The following CADPS2 variants were observed in gnomAD, a reference collection of about 807,000 sequenced individuals.
The protein encoded by CADPS2 is calcium dependent secretion activator 2.
A neutral mutation model predicts 172.5 loss-of-function variants in CADPS2; 93 were observed. The observed-to-expected ratio is 0.54, with a 90% CI of 0.46 to 0.64. The LOEUF (loss-of-function observed/expected upper bound fraction) is 0.64, where lower values mean the gene tolerates loss of function less well. Among genes scored for constraint, CADPS2 ranks in the 30% least tolerant of loss-of-function variants. The pLI is 0.00. For missense variants in CADPS2, 1,420 were observed against 1,565.9 expected (o/e 0.91, Z 1.57); for synonymous variants, 546 against 555.2 (o/e 0.98, Z 0.23).
At chr7:122,425,057 G>A (rs2048979550) in intron 17 of CADPS2, among the ~76,000 whole-genome samples, 1 of 151,982 alleles carries the variant, frequency 6.6e-6, no homozygotes, top group Non-Finnish European at 1.5e-5. Flanking sequence ...ATGTCTCACT[G>A]CAGCCTCGAA....
chr7:122,329,027 A>C (rs1253409798), intron 28 of CADPS2, among the ~76,000 whole-genome samples: 1 of 152,148 alleles, frequency 6.6e-6, no homozygotes, highest in Non-Finnish European at 1.5e-5. Context: ...AAATATTGAG[A>C]AGCGCAGCAC....
At chr7:122,539,200 A>G (rs74405430) in intron 8 of CADPS2, among the ~76,000 whole-genome samples, 2,392 of 152,152 alleles carry the variant, frequency 0.016, 66 homozygotes, top group African/African-American at 0.054. Context: ...TAAGATCACA[A>G]AGGACTCTGC....
At chr7:122,850,209 C>T (rs1368984123) in intron 1 of CADPS2, 1 of 1,105,176 alleles carries the variant, frequency 9.0e-7, no homozygotes, top group Non-Finnish European at 1.2e-6. Context: ...GAGGCTATAA[C>T]TCGCCAAGTG....
At chr7:122,402,280 A>T (rs1445313477) in intron 20 of CADPS2, among the ~76,000 whole-genome samples, 5 of 152,174 alleles carry the variant, frequency 3.3e-5, no homozygotes, top group Non-Finnish European at 7.3e-5. Context: ...GTCTTCCTTA[A>T]AAAGATGATA....
intron 7 of CADPS2, among the ~76,000 whole-genome samples, chr7:122,564,772 A>G (rs2066189044): frequency 6.6e-6 from 1 of 152,078 alleles, no homozygotes. Context: ...CAAAATGTCT[A>G]TCAACAGATA....
At chr7:122,457,529 A>G (rs2053934634) in intron 14 of CADPS2, among the ~76,000 whole-genome samples, 2 of 152,200 alleles carry the variant, frequency 1.3e-5, no homozygotes, top group Admixed American at 1.3e-4. Context: ...AATGCAAATT[A>G]CGCAACCCTT....
chr7:122,377,769 C>T (rs1040949676), intron 25 of CADPS2, among the ~76,000 whole-genome samples: 4 of 151,982 alleles, frequency 2.6e-5, no homozygotes, highest in African/African-American at 9.7e-5. Flanking sequence ...TATCTATCCA[C>T]TTGTTGGTGA....
intron 1 of CADPS2, among the ~76,000 whole-genome samples, chr7:122,833,150 A>T (rs1352964843): frequency 6.6e-6 from 1 of 152,140 alleles, no homozygotes; most frequent in Non-Finnish European, 1.5e-5. Context: ...CCTAATTTTG[A>T]TCACATGAGA....
intron 17 of CADPS2, among the ~76,000 whole-genome samples, chr7:122,417,499 T>C (rs987323014): frequency 6.6e-6 from 1 of 152,164 alleles, no homozygotes; most frequent in African/African-American, 2.4e-5. Flanking sequence ...ACACTTCCAA[T>C]CTCAACTCAG....
chr7:122,681,430 T>C, intron 2 of CADPS2: 1 of 1,540,766 alleles, frequency 6.5e-7, no homozygotes, highest in Non-Finnish European at 8.9e-7. Flanking sequence ...ATTAAGAAAT[T>C]CGTCATTCGA....
chr7:122,400,804 ATGAAC>A (rs994985354), intron 20 of CADPS2, among the ~76,000 whole-genome samples: 2 of 152,230 alleles, frequency 1.3e-5, no homozygotes, highest in African/African-American at 4.8e-5. Context: ...TGAATTTCAG[ATGAAC>A]AGCTCATTTA....
At chr7:122,625,306 T>A (rs541285832) in intron 4 of CADPS2, among the ~76,000 whole-genome samples, 1 of 152,254 alleles carries the variant, frequency 6.6e-6, no homozygotes, top group Admixed American at 6.5e-5. Flanking sequence ...CGCCTCAGCC[T>A]CCCAAACTGC....
chr7:122,769,781 T>C (rs369739482), intron 1 of CADPS2, among the ~76,000 whole-genome samples: 35 of 152,296 alleles, frequency 2.3e-4, no homozygotes, highest in African/African-American at 7.7e-4. Flanking sequence ...AACCTACCAA[T>C]TGTTGACTGT....
chr7:122,837,445 C>T (rs951138871), intron 1 of CADPS2, among the ~76,000 whole-genome samples: 18 of 151,802 alleles, frequency 1.2e-4, no homozygotes, highest in East Asian at 5.8e-4. Flanking sequence ...CAACTGAAGG[C>T]GACAGAGACA....
At chr7:122,635,813 G>A (rs558794828) in intron 3 of CADPS2, among the ~76,000 whole-genome samples, 4 of 152,178 alleles carry the variant, frequency 2.6e-5, no homozygotes, top group Non-Finnish European at 4.4e-5. Flanking sequence ...ATTTAGGATA[G>A]TTAAGTCTTC....
At chr7:122,440,672 T>C (rs551175961) in intron 16 of CADPS2, among the ~76,000 whole-genome samples, 64 of 152,258 alleles carry the variant, frequency 4.2e-4, no homozygotes, top group African/African-American at 1.4e-3. Context: ...GAGATGCTAA[T>C]AAACAATATA....
At position 122,663,227 on chromosome 7, in the gene CADPS2, G is replaced by A; in HGVS notation, c.786+10C>T. 1 of 1,581,548 alleles carries A rather than the reference G, an allele frequency of 6.3e-7. No homozygotes were observed. Among genetic ancestry groups the A allele is most frequent in the South Asian group, 1.1e-5 (1 of 89,100 alleles). On this transcript the variant is annotated intron_variant, in intron 3 of 29. Transcript: ENST00000449022. The stretch of plus-strand genomic sequence containing the variant: ...AGACAGGGGAAGGGAAAATATCAGA[G>A]ACCACTTACCTGACATGCATTATAA...
intron 17 of CADPS2, among the ~76,000 whole-genome samples, chr7:122,422,282 G>A (rs1387237006): frequency 6.6e-6 from 1 of 152,146 alleles, no homozygotes; most frequent in Non-Finnish European, 1.5e-5. Context: ...TACCTTGAGA[G>A]CCTGTAAAGA....
intron 20 of CADPS2, among the ~76,000 whole-genome samples, chr7:122,399,493 T>A (rs988968431): frequency 6.6e-6 from 1 of 152,038 alleles, no homozygotes; most frequent in Non-Finnish European, 1.5e-5. Flanking sequence ...TGCTGTTTTT[T>A]AAATGAAATT....
Sources: gnomAD v4.1 joint callset for allele counts (sites outside exome capture counted in the v4.1 genomes callset) on GRCh38, gnomAD v4.1.1 for gene constraint, MANE v1.5 for transcripts, NCBI Gene and HGNC (gene_info 2026-07-23, HGNC 2026-07-21) for gene names.